The following SLC44A5 variants were observed in gnomAD, a reference collection of about 807,000 sequenced individuals.
SLC44A5 encodes the protein solute carrier family 44 member 5.
In SLC44A5, 57 loss-of-function variants were observed where a neutral mutation model predicts 101.8. The ratio of observed to expected loss-of-function variants is 0.56; its 90% CI spans 0.45 to 0.70. The LOEUF (loss-of-function observed/expected upper bound fraction) is 0.70. Among genes scored for constraint, SLC44A5 ranks in the 30% least tolerant of loss-of-function variants. The probability of loss-of-function intolerance (pLI) is 0.00; values close to 1 mark genes in which losing one functional copy is unlikely to be tolerated. For synonymous variants in SLC44A5, 281 were observed against 290.9 expected (o/e 0.97, Z 0.35); for missense variants, 737 against 853.1 (o/e 0.86, Z 1.70).
the SLC44A5 span, among the ~76,000 whole-genome samples, chr1:75,683,608 A>G: frequency 2.6e-5 from 4 of 151,582 alleles, no homozygotes. Context: ...GACTGTTGTG[A>G]GGTGGCGGAA....
the SLC44A5 span, among the ~76,000 whole-genome samples, chr1:75,666,692 A>G: frequency 6.6e-6 from 1 of 152,170 alleles, no homozygotes; most frequent in Non-Finnish European, 1.5e-5. Context: ...AATCCTCAAT[A>G]AAATACTGGA....
At chr1:75,671,456 G>A in the SLC44A5 span, among the ~76,000 whole-genome samples, 1 of 152,084 alleles carries the variant, frequency 6.6e-6, no homozygotes, top group Non-Finnish European at 1.5e-5. Flanking sequence ...GACTCACTGA[G>A]AGAAACCAGT....
chr1:75,428,493 T>C (rs1267852616), intron 2 of SLC44A5, among the ~76,000 whole-genome samples: 1 of 152,170 alleles, frequency 6.6e-6, no homozygotes, highest in African/African-American at 2.4e-5. Flanking sequence ...ACTCATGAAA[T>C]GTCTGCTAAC....
At chr1:75,303,814 G>A (rs1472257772) in intron 4 of SLC44A5, among the ~76,000 whole-genome samples, 2 of 152,144 alleles carry the variant, frequency 1.3e-5, no homozygotes, top group East Asian at 3.9e-4. Flanking sequence ...AAAGTCTGCT[G>A]GGAGAGGGGA....
At chr1:75,414,320 C>CACAT (rs1663488078) in intron 2 of SLC44A5, among the ~76,000 whole-genome samples, 1 of 119,402 alleles carries the variant, frequency 8.4e-6, no homozygotes, top group Non-Finnish European at 1.8e-5. Context: ...CATACATATC[C>CACAT]ACATACACAC....
chr1:75,638,762 C>G, the SLC44A5 span, among the ~76,000 whole-genome samples: 1 of 152,096 alleles, frequency 6.6e-6, no homozygotes, highest in Admixed American at 6.6e-5. Context: ...CTATACATAG[C>G]TTTCCACTAT....
chr1:75,361,041 A>C (rs529885732), intron 3 of SLC44A5, among the ~76,000 whole-genome samples: 34 of 152,150 alleles, frequency 2.2e-4, no homozygotes, highest in Non-Finnish European at 4.3e-4. Context: ...TTAAATTTAC[A>C]CCTAAGTATC....
chr1:75,683,619 G>A, the SLC44A5 span, among the ~76,000 whole-genome samples: 1 of 152,148 alleles, frequency 6.6e-6, no homozygotes, highest in African/African-American at 2.4e-5. Flanking sequence ...GGTGGCGGAA[G>A]GGGGGAGGGA....
chr1:75,705,774 G>A, the SLC44A5 span, among the ~76,000 whole-genome samples: 10 of 152,142 alleles, frequency 6.6e-5, no homozygotes, highest in South Asian at 2.1e-4. Flanking sequence ...ACCCTGCACC[G>A]GGTTCAAGTG....
intron 4 of SLC44A5, among the ~76,000 whole-genome samples, chr1:75,311,336 C>A (rs371548834): frequency 6.6e-6 from 1 of 152,108 alleles, no homozygotes; most frequent in Admixed American, 6.5e-5. Context: ...ACGCTGGTCT[C>A]GAACTCCTGA....
intron 4 of SLC44A5, among the ~76,000 whole-genome samples, chr1:75,329,735 C>T (rs1458045490): frequency 2.0e-5 from 3 of 152,130 alleles, no homozygotes; most frequent in South Asian, 2.1e-4. Context: ...ACACATATGC[C>T]GAGGCCCCTT....
the SLC44A5 span, chr1:75,642,009 G>A: frequency 6.8e-7 from 1 of 1,469,338 alleles, no homozygotes; most frequent in Non-Finnish European, 9.5e-7. Flanking sequence ...TCATCTGCAT[G>A]GTGGAAGAAA....
chr1:75,675,591 T>G, the SLC44A5 span, among the ~76,000 whole-genome samples: 1 of 152,036 alleles, frequency 6.6e-6, no homozygotes, highest in Non-Finnish European at 1.5e-5. Flanking sequence ...AATCAAAAAC[T>G]ATAAAAACCC....
chr1:75,454,118 T>C (rs138479166), intron 2 of SLC44A5, among the ~76,000 whole-genome samples: 4 of 152,158 alleles, frequency 2.6e-5, no homozygotes, highest in African/African-American at 9.6e-5. Flanking sequence ...TAGGCCAATA[T>C]TCCTGATTAA....
chr1:75,253,540 A>T (rs916005736), intron 6 of SLC44A5, among the ~76,000 whole-genome samples: 1 of 152,190 alleles, frequency 6.6e-6, no homozygotes, highest in Non-Finnish European at 1.5e-5. Context: ...CTACTTTGAG[A>T]TCTACAAGTG....
Position 75,554,147 on chromosome 1 carries a change from T to G in SLC44A5, c.-69-12631A>C, listed in dbSNP as rs574564781. ...GTCTGCAGATAAAGGGATCAGAAAC[T>G]TCACAAACAATTCCTCAGAAAAATT... On this transcript the variant is annotated intron_variant, in intron 1 of 23. Transcript: ENST00000370859. Among the ~76,000 whole-genome samples, 141 of 152,248 alleles carry G rather than the reference T, an allele frequency of 9.3e-4. No homozygotes were observed. In the Middle Eastern group the frequency reaches 0.01, roughly 11 times the overall value.
At chr1:75,252,913 G>C (rs992953029) in intron 6 of SLC44A5, among the ~76,000 whole-genome samples, 4 of 152,158 alleles carry the variant, frequency 2.6e-5, no homozygotes, top group African/African-American at 7.2e-5. Flanking sequence ...AAAGGGTTTG[G>C]AGGAGGGCAA....
intron 3 of SLC44A5, among the ~76,000 whole-genome samples, chr1:75,372,734 A>G (rs528834790): frequency 2.6e-4 from 40 of 152,366 alleles, no homozygotes; most frequent in African/African-American, 9.6e-4. Context: ...AAAAATTGAT[A>G]AAAGAATTAT....
At chr1:75,284,798 T>A (rs146836115) in intron 5 of SLC44A5, among the ~76,000 whole-genome samples, 31 of 152,306 alleles carry the variant, frequency 2.0e-4, no homozygotes, top group African/African-American at 7.5e-4. Context: ...TCTGTTTATG[T>A]GATGTATCAC....
Sources: gnomAD v4.1 joint callset for allele counts (sites outside exome capture counted in the v4.1 genomes callset) on GRCh38, gnomAD v4.1.1 for gene constraint, MANE v1.5 for transcripts, NCBI Gene and HGNC (gene_info 2026-07-23, HGNC 2026-07-21) for gene names.